The following NRG3 variants were observed in gnomAD, a reference collection of about 807,000 sequenced individuals.
NRG3 encodes the protein pro-neuregulin-3, membrane-bound isoform.
In NRG3, 31 loss-of-function variants were observed where a neutral mutation model predicts 66.9. That is an observed-to-expected ratio of 0.46 (90% CI 0.35 to 0.63). The LOEUF (loss-of-function observed/expected upper bound fraction) is 0.63. Ranked by LOEUF, NRG3 falls within the 20% of genes least tolerant of loss-of-function variation. The pLI is 0.00. For missense variants in NRG3, 910 were observed against 878.9 expected (o/e 1.04, Z -0.45); for synonymous variants, 393 against 359.4 (o/e 1.09, Z -1.06).
chr10:82,604,397 C>T (rs562732149), intron 2 of NRG3, among the ~76,000 whole-genome samples: 8 of 152,142 alleles, frequency 5.3e-5, no homozygotes, highest in Non-Finnish European at 7.4e-5. Flanking sequence ...AATAATATTC[C>T]GTCGCATAAA....
At chr10:82,701,631 G>A (rs754523978) in intron 2 of NRG3, among the ~76,000 whole-genome samples, 47 of 152,142 alleles carry the variant, frequency 3.1e-4, no homozygotes, top group Non-Finnish European at 5.7e-4. Context: ...TCTACACAAG[G>A]AACATAAAGC....
At chr10:82,832,112 C>T (rs902894920) in intron 3 of NRG3, among the ~76,000 whole-genome samples, 39 of 152,176 alleles carry the variant, frequency 2.6e-4, no homozygotes, top group African/African-American at 9.4e-4. Flanking sequence ...TCATAAGGAA[C>T]ATTCTGTTAA....
chr10:82,111,648 C>G (rs999972145), intron 1 of NRG3, among the ~76,000 whole-genome samples: 6 of 152,118 alleles, frequency 3.9e-5, no homozygotes, highest in Non-Finnish European at 7.4e-5. Context: ...TTACCTACCA[C>G]AATTATCCAG....
chr10:82,707,472 A>C, intron 2 of NRG3, among the ~76,000 whole-genome samples: 1 of 151,772 alleles, frequency 6.6e-6, no homozygotes, highest in African/African-American at 2.4e-5. Context: ...CTCCCAGCTC[A>C]AGCAACCCTC....
At chr10:82,935,946 T>A (rs1178070263) in intron 4 of NRG3, among the ~76,000 whole-genome samples, 1 of 152,050 alleles carries the variant, frequency 6.6e-6, no homozygotes, top group East Asian at 1.9e-4. Context: ...CAAAAATAGA[T>A]ACAACTAGCT....
At chr10:82,729,248 A>G (rs1383090333) in intron 2 of NRG3, among the ~76,000 whole-genome samples, 2 of 152,154 alleles carry the variant, frequency 1.3e-5, no homozygotes, top group African/African-American at 4.8e-5. Context: ...GTAACAGTGC[A>G]TTTCCTCAAA....
At chr10:82,785,217 A>AG (rs1160900824) in intron 3 of NRG3, among the ~76,000 whole-genome samples, 6 of 142,752 alleles carry the variant, frequency 4.2e-5, no homozygotes, top group Non-Finnish European at 6.1e-5. Flanking sequence ...GGTAGGGGGA[A>AG]GGGGGAGGGA....
At chr10:82,021,238 T>C (rs2062045291) in intron 1 of NRG3, among the ~76,000 whole-genome samples, 1 of 152,048 alleles carries the variant, frequency 6.6e-6, no homozygotes. Flanking sequence ...GTTGATGAGC[T>C]CTTACAGCAT....
At chr10:82,323,329 G>A (rs2081677260) in intron 1 of NRG3, among the ~76,000 whole-genome samples, 1 of 152,172 alleles carries the variant, frequency 6.6e-6, no homozygotes, top group Non-Finnish European at 1.5e-5. Flanking sequence ...CAGACACAGT[G>A]TATGCTGGGA....
At chr10:82,144,404 C>A (rs1236788347) in intron 1 of NRG3, among the ~76,000 whole-genome samples, 1 of 152,178 alleles carries the variant, frequency 6.6e-6, no homozygotes, top group Non-Finnish European at 1.5e-5. Flanking sequence ...TCCCAGGAGT[C>A]CTGACCTGTG....
At chr10:82,546,397 T>C (rs920334178) in intron 2 of NRG3, among the ~76,000 whole-genome samples, 1 of 152,218 alleles carries the variant, frequency 6.6e-6, no homozygotes, top group Non-Finnish European at 1.5e-5. Flanking sequence ...AAACATAGTT[T>C]AACTTAAAAA....
At chr10:82,851,387 G>A (rs2063552573) in intron 3 of NRG3, among the ~76,000 whole-genome samples, 1 of 152,086 alleles carries the variant, frequency 6.6e-6, no homozygotes, top group Non-Finnish European at 1.5e-5. Context: ...GGAGCAGGAG[G>A]CAGGGAAAGA....
intron 1 of NRG3, among the ~76,000 whole-genome samples, chr10:82,270,957 C>A (rs557097545): frequency 1.3e-5 from 2 of 152,120 alleles, no homozygotes; most frequent in Non-Finnish European, 2.9e-5. Flanking sequence ...ATTTTCCCTT[C>A]TTCATTCCAG....
chr10:82,825,705 G>A (rs1418246271), intron 3 of NRG3, among the ~76,000 whole-genome samples: 3 of 152,086 alleles, frequency 2.0e-5, no homozygotes, highest in South Asian at 2.1e-4. Flanking sequence ...ACTTATTATC[G>A]GATGAAGTTA....
At position 81,875,694 on chromosome 10, in the gene NRG3, C is replaced by A. The variant is rs768461364; in HGVS notation, c.354C>A (p.Pro118=). 1 of 1,613,896 alleles carries A rather than the reference C, an allele frequency of 6.2e-7. No individual in the cohort carries two copies. The highest frequency in any genetic ancestry group is 8.5e-7 in the Non-Finnish European group (1 of 1,179,992). Residue 118 remains proline, a synonymous_variant, in exon 1 of 9, where the codon CCC becomes CCA. Transcript: ENST00000372141. This position sits in a 1 kb window ranked among gnomAD's most constrained non-coding sequence, Gnocchi z 5.3. ...MGQDPFFLSK[P]SSFPKAMETT... ...AGGACCCCTTCTTCCTCTCCAAGCC[C>A]AGCTCTTTCCCCAAGGCCATGGAGA...
At chr10:82,432,818 G>A (rs989070846) in intron 2 of NRG3, among the ~76,000 whole-genome samples, 4 of 152,164 alleles carry the variant, frequency 2.6e-5, no homozygotes, top group African/African-American at 9.7e-5. Context: ...TGGCAGTATA[G>A]TGTTGCATGG....
intron 2 of NRG3, among the ~76,000 whole-genome samples, chr10:82,406,505 G>A (rs1453306190): frequency 1.3e-5 from 2 of 152,130 alleles, no homozygotes; most frequent in Admixed American, 6.6e-5. Flanking sequence ...TTCTCCTTCA[G>A]TCACTTCTCA....
At chr10:82,833,158 AAGGAAG>A (rs1366880624) in intron 3 of NRG3, among the ~76,000 whole-genome samples, 2 of 152,172 alleles carry the variant, frequency 1.3e-5, no homozygotes, top group Non-Finnish European at 2.9e-5. Context: ...ATAAGGGAAT[AAGGAAG>A]AAAATAAAAA....
intron 1 of NRG3, among the ~76,000 whole-genome samples, chr10:81,902,935 G>A (rs1209666578): frequency 6.6e-6 from 1 of 152,060 alleles, no homozygotes; most frequent in Non-Finnish European, 1.5e-5. Context: ...GTCATGGGTT[G>A]TAAACAACAT....
Sources: allele counts gnomAD v4.1 joint callset (sites outside exome capture counted in the v4.1 genomes callset), GRCh38; gene constraint gnomAD v4.1.1; non-coding constraint Gnocchi (gnomAD v3.1); transcripts MANE v1.5; gene names NCBI Gene and HGNC (gene_info 2026-07-23, HGNC 2026-07-21).